The following PATJ variants were observed in gnomAD, a reference collection of about 807,000 sequenced individuals.
PATJ encodes the protein inaD-like protein.
A neutral mutation model predicts 224.9 loss-of-function variants in PATJ; 190 were observed. The ratio of observed to expected loss-of-function variants is 0.84; its 90% CI spans 0.75 to 0.95. PATJ has a LOEUF of 0.95. Ranked by LOEUF, PATJ falls within the 40% of genes least tolerant of loss-of-function variation. The pLI, the probability that PATJ is intolerant of heterozygous loss-of-function variation, is 0.00. For missense variants in PATJ, 2,121 were observed against 2,270.3 expected (o/e 0.93, Z 1.34); for synonymous variants, 769 against 820.3 (o/e 0.94, Z 1.07).
chr1:62,033,469 G>A (rs7517333), intron 29 of PATJ, among the ~76,000 whole-genome samples: 92,584 of 152,052 alleles, frequency 0.61, 29,007 homozygotes, highest in African/African-American at 0.75. Context: ...GAGCATTCCC[G>A]TTGGTAGTCT....
intron 13 of PATJ, among the ~76,000 whole-genome samples, chr1:61,806,492 G>A (rs1317172617): frequency 3.3e-5 from 5 of 151,964 alleles, no homozygotes; most frequent in South Asian, 2.1e-4. Context: ...GGTGGCGGTC[G>A]CCTGTAATCC....
chr1:62,042,829 T>G (rs1651775132), intron 30 of PATJ, among the ~76,000 whole-genome samples: 1 of 152,112 alleles, frequency 6.6e-6, no homozygotes, highest in Admixed American at 6.6e-5. Context: ...AAATTTTTTG[T>G]AGAGACAGGA....
intron 22 of PATJ, among the ~76,000 whole-genome samples, chr1:61,898,112 G>A (rs1265961215): frequency 6.6e-6 from 1 of 152,206 alleles, no homozygotes; most frequent in Non-Finnish European, 1.5e-5. Context: ...TGGGAGTATT[G>A]AAACTTAGGG....
At chr1:62,136,859 C>T (rs1263582456) in intron 41 of PATJ, among the ~76,000 whole-genome samples, 1 of 152,150 alleles carries the variant, frequency 6.6e-6, no homozygotes, top group East Asian at 1.9e-4. Context: ...CATGAGCCGC[C>T]ACACCCAGCC....
At chr1:61,797,541 A>G in intron 11 of PATJ, 113 bp downstream of exon 11, 1 of 840,908 alleles carries the variant, frequency 1.2e-6, no homozygotes, top group South Asian at 1.8e-5. Context: ...ACCTCGTGTA[A>G]TACACTGATG....
At chr1:61,826,424 CTT>C (rs1658275396) in intron 15 of PATJ, among the ~76,000 whole-genome samples, 1 of 125,162 alleles carries the variant, frequency 8.0e-6, no homozygotes, top group Non-Finnish European at 1.8e-5. Context: ...ATAATGCTTG[CTT>C]CTAAACCCTC....
chr1:62,103,808 G>C (rs1662535789), intron 33 of PATJ, among the ~76,000 whole-genome samples: 1 of 151,278 alleles, frequency 6.6e-6, no homozygotes, highest in African/African-American at 2.4e-5. Flanking sequence ...TGCTCGCACT[G>C]TACGTAAAGC....
At chr1:61,932,496 G>T (rs1030566676) in intron 27 of PATJ, among the ~76,000 whole-genome samples, 1 of 152,186 alleles carries the variant, frequency 6.6e-6, no homozygotes, top group African/African-American at 2.4e-5. Context: ...GACCTTCAAT[G>T]GTCAAGGGTG....
chr1:62,155,459 T>C (rs965652159), intron 43 of PATJ, among the ~76,000 whole-genome samples: 4 of 152,124 alleles, frequency 2.6e-5, no homozygotes, highest in Admixed American at 2.0e-4. Context: ...TGGCTGTGCA[T>C]TGCTGGTGAA....
chr1:61,869,295 A>T (rs974505648), intron 20 of PATJ, among the ~76,000 whole-genome samples: 20 of 151,516 alleles, frequency 1.3e-4, no homozygotes, highest in Non-Finnish European at 2.6e-4. Context: ...TTTAGTAGAG[A>T]CGGGGTTTCA....
chr1:61,895,937 AC>A (rs974952383), intron 22 of PATJ, among the ~76,000 whole-genome samples: 1 of 152,178 alleles, frequency 6.6e-6, no homozygotes, highest in Non-Finnish European at 1.5e-5. Flanking sequence ...TTGGGAGTCC[AC>A]CCCTTGAATC....
At chr1:61,939,579 A>G (rs923485479) in intron 27 of PATJ, among the ~76,000 whole-genome samples, 1 of 151,944 alleles carries the variant, frequency 6.6e-6, no homozygotes, top group African/African-American at 2.4e-5. Context: ...GTGGTTGTAG[A>G]AAAACAGGAG....
chr1:62,080,493 G>A (rs191026230), intron 32 of PATJ, among the ~76,000 whole-genome samples: 1,975 of 151,808 alleles, frequency 0.013, 23 homozygotes, highest in Non-Finnish European at 0.022. Flanking sequence ...CACCATGCCC[G>A]GCTAATTTTT....
At chr1:62,051,109 C>T in intron 31 of PATJ, 51 bp downstream of exon 31, 1 of 1,348,266 alleles carries the variant, frequency 7.4e-7, no homozygotes, top group South Asian at 1.2e-5. Context: ...GGATGTATCA[C>T]TTATATTTTG....
At chr1:62,122,240 C>T (rs1362712976) in intron 38 of PATJ, among the ~76,000 whole-genome samples, 1 of 151,546 alleles carries the variant, frequency 6.6e-6, no homozygotes, top group Non-Finnish European at 1.5e-5. Context: ...TGGCACATGC[C>T]TATAATCCCA....
chr1:61,923,852 G>A (rs1674700080), intron 26 of PATJ, among the ~76,000 whole-genome samples: 1 of 150,902 alleles, frequency 6.6e-6, no homozygotes, highest in African/African-American at 2.4e-5. Context: ...AACCCAGGAG[G>A]CGGAGGTTGT....
intron 31 of PATJ, chr1:62,073,263 C>A (rs1657746365): frequency 4.1e-6 from 4 of 985,260 alleles, no homozygotes; most frequent in Non-Finnish European, 1.2e-6. Context: ...ATCATTGATT[C>A]TGTGCAAGTT....
At chr1:62,055,779 G>A (rs538901662) in intron 31 of PATJ, among the ~76,000 whole-genome samples, 4 of 152,316 alleles carry the variant, frequency 2.6e-5, no homozygotes, top group Admixed American at 1.3e-4. Flanking sequence ...CGAAGAGACA[G>A]AACCAATAGG....
intron 14 of PATJ, among the ~76,000 whole-genome samples, chr1:61,814,643 A>T (rs1655738717): frequency 1.3e-5 from 2 of 151,910 alleles, no homozygotes. Context: ...TTAATTTCTT[A>T]CTTATTAAAT....
Sources: gnomAD v4.1 joint callset for allele counts (sites outside exome capture counted in the v4.1 genomes callset) on GRCh38, gnomAD v4.1.1 for gene constraint, MANE v1.5 for transcripts, NCBI Gene and HGNC (gene_info 2026-07-23, HGNC 2026-07-21) for gene names.